IQCK: variants seen among roughly 807,000 people sequenced by gnomAD.
IQCK encodes the protein IQ motif containing K, also known as IQ domain-containing protein K.
In IQCK, 29 loss-of-function variants were observed where a neutral mutation model predicts 28.1. The ratio of observed to expected loss-of-function variants is 1.03; its 90% CI spans 0.77 to 1.41. The LOEUF is 1.41. Among genes scored for constraint, IQCK ranks in the 40% most tolerant of loss-of-function variants. The pLI, the probability that IQCK is intolerant of heterozygous loss-of-function variation, is 0.00. For missense variants in IQCK, 359 were observed against 314.7 expected, an observed-to-expected ratio of 1.14 and a Z score of -1.07; for synonymous variants, 113 against 115.1, an observed-to-expected ratio of 0.98 and a Z score of 0.12.
chr16:19,727,738 T>C (rs1597496524), intron 1 of IQCK, among the ~76,000 whole-genome samples: 2 of 152,198 alleles, frequency 1.3e-5, no homozygotes, highest in East Asian at 3.9e-4. Flanking sequence ...GTCTTGCTTT[T>C]GTAATCAGAC....
At chr16:19,849,439 A>C (rs2056453461) in intron 9 of IQCK, among the ~76,000 whole-genome samples, 2 of 152,030 alleles carry the variant, frequency 1.3e-5, no homozygotes, top group African/African-American at 4.8e-5. Flanking sequence ...AAAAATAAAA[A>C]TTTTAAAAAG....
chr16:19,847,755 G>T lies in IQCK; in HGVS notation c.803-8732G>T, dbSNP rs1389457318. 2.0e-5 allele frequency among the ~76,000 whole-genome samples: 3 copies of T among 152,176 alleles called. No homozygotes were observed. In the East Asian group the frequency reaches 5.8e-4, roughly 29 times the overall value. ...CAGTCACTTTTTAATGGATTATTGGGTTATATCCACCTTTGGCTATTATGA... is the reference window on the plus strand; with the variant it reads ...CAGTCACTTTTTAATGGATTATTGGTTTATATCCACCTTTGGCTATTATGA... On this transcript the variant is annotated intron_variant, in intron 9 of 9. Coordinates refer to the IQCK transcript ENST00000320394.
At chr16:19,855,479 G>C (rs2056547904) in intron 9 of IQCK, among the ~76,000 whole-genome samples, 1 of 152,154 alleles carries the variant, frequency 6.6e-6, no homozygotes, top group African/African-American at 2.4e-5. Flanking sequence ...TAGCTACTTG[G>C]GATGCTGAGG....
intron 9 of IQCK, among the ~76,000 whole-genome samples, chr16:19,839,161 ATTTAT>A (rs1279563335): frequency 6.7e-6 from 1 of 149,854 alleles, no homozygotes; most frequent in Non-Finnish European, 1.5e-5. Flanking sequence ...TTATTTATTT[ATTTAT>A]TTATTTATTT....
At position 19,721,833 on chromosome 16, in the gene IQCK, C is replaced by T. The variant is rs1412881027; in HGVS notation, c.181+3346C>T. 3.3e-5 allele frequency among the ~76,000 whole-genome samples: 5 copies of T among 152,322 alleles called. No individual in the cohort carries two copies. In the East Asian group the frequency reaches 7.7e-4, roughly 24 times the overall value. On this transcript the variant is annotated intron_variant, in intron 1 of 7. Coordinates refer to ENST00000564186, the Ensembl canonical transcript of IQCK. ...CCTCAAGCAGTCAGCCCGCCTCATC[C>T]TCCCAAAGTGCTGGGATTACAGGCG...
At chr16:19,837,392 C>A (rs1159932550) in intron 9 of IQCK, among the ~76,000 whole-genome samples, 6 of 152,048 alleles carry the variant, frequency 3.9e-5, no homozygotes, top group Non-Finnish European at 7.4e-5. Flanking sequence ...CAGAATAAGA[C>A]CCTGTCTCAA....
At chr16:19,764,045 A>G in exon 6 of IQCK, 1 of 1,614,086 alleles carries the variant, frequency 6.2e-7, no homozygotes, top group Non-Finnish European at 8.5e-7. Context: ...CCAAAATCCA[A>G]AGAGGGCAGG....
At chr16:19,749,782 A>C (rs2054961441) in intron 4 of IQCK, among the ~76,000 whole-genome samples, 1 of 151,946 alleles carries the variant, frequency 6.6e-6, no homozygotes, top group Non-Finnish European at 1.5e-5. Flanking sequence ...AAAAAAAAAA[A>C]AGAAAAAGAA....
At position 19,733,832 on chromosome 16, in the gene IQCK, G is replaced by A. The variant is rs372339102; in HGVS notation, c.376+5G>A. ...AAACAATCAACCCAAAAACATGTGA[G>A]TAAGAGAGATGCCATCTTTTATAAT... On this transcript the variant is annotated splice_donor_5th_base_variant and intron_variant, in intron 3 of 7. Transcript: ENST00000564186. The A allele has an allele frequency of 6.3e-5, 102 of 1,613,722 alleles. No homozygotes were observed. Among genetic ancestry groups the A allele is most frequent in the Non-Finnish European group, 8.1e-5 (96 of 1,179,888 alleles).
intron 6 of IQCK, among the ~76,000 whole-genome samples, chr16:19,777,022 C>G (rs1240100568): frequency 1.3e-5 from 2 of 152,126 alleles, no homozygotes; most frequent in Admixed American, 1.3e-4. Flanking sequence ...TAAATGAGCA[C>G]GAAGAGCAAA....
At chr16:19,772,942 G>A (rs1359688656) in intron 6 of IQCK, among the ~76,000 whole-genome samples, 2 of 152,166 alleles carry the variant, frequency 1.3e-5, no homozygotes, top group Admixed American at 6.5e-5. Context: ...GGTTTAGGCT[G>A]CAGTGAGCTG....
At chr16:19,850,636 C>T (rs1310062840) in intron 9 of IQCK, among the ~76,000 whole-genome samples, 2 of 152,106 alleles carry the variant, frequency 1.3e-5, no homozygotes, top group Non-Finnish European at 2.9e-5. Flanking sequence ...GTGAGCATCT[C>T]GTGGTTCGTA....
At chr16:19,726,043 G>A (rs1977644871) in intron 1 of IQCK, among the ~76,000 whole-genome samples, 1 of 151,838 alleles carries the variant, frequency 6.6e-6, no homozygotes, top group Non-Finnish European at 1.5e-5. Context: ...AGCCTCCCAA[G>A]TAGCTGGGAC....
At chr16:19,761,426 G>A in intron 4 of IQCK, 1 of 455,970 alleles carries the variant, frequency 2.2e-6, no homozygotes, top group Non-Finnish European at 4.4e-6. Flanking sequence ...CTGAGGTACA[G>A]AGCAGGCTAG....
At position 19,808,999 on chromosome 16, in the gene IQCK, A is replaced by T. The variant is rs540213577; in HGVS notation, c.691-18027A>T. Among the ~76,000 whole-genome samples, 13 of 152,360 alleles carry T rather than the reference A, an allele frequency of 8.5e-5. No homozygotes were observed. The South Asian group carries it at 2.7e-3, about 32-fold the overall frequency. On this transcript the variant is annotated intron_variant, in intron 7 of 7. Coordinates refer to ENST00000564186, the Ensembl canonical transcript of IQCK. ...CAGCCTCCCAAGTAGCCTGGATTAC[A>T]GGCATGCGCCACCACGGCCAGCTAA... is the stretch of plus-strand genomic sequence containing the variant.
In IQCK at chr16:19,766,316, G is replaced by A. The variant is rs563684856; in HGVS notation, c.605+2204G>A. 2.6e-5 allele frequency among the ~76,000 whole-genome samples: 4 copies of A among 152,348 alleles called. No individual in the cohort carries two copies. In the South Asian group the frequency reaches 8.3e-4, roughly 32 times the overall value. On this transcript the variant is annotated intron_variant, in intron 6 of 7. Transcript: ENST00000564186. ...CAACTTGCTGTAGTTTCTGTAGTGA[G>A]TGTTGTAATTCAAATGTTAACAAAG...
chr16:19,778,243 G>A (rs576392569), intron 6 of IQCK, among the ~76,000 whole-genome samples: 7 of 152,294 alleles, frequency 4.6e-5, no homozygotes, highest in Non-Finnish European at 8.8e-5. Flanking sequence ...AGAAGTGTGA[G>A]TAACCTGGAG....
intron 9 of IQCK, among the ~76,000 whole-genome samples, chr16:19,838,626 C>T (rs550824758): frequency 1.3e-5 from 2 of 152,256 alleles, no homozygotes; most frequent in African/African-American, 2.4e-5. Context: ...TGCAAAGATC[C>T]GCAATCCTCA....
chr16:19,807,679 G>C (rs572791595), intron 7 of IQCK, among the ~76,000 whole-genome samples: 5 of 152,098 alleles, frequency 3.3e-5, no homozygotes, highest in Non-Finnish European at 7.4e-5. Flanking sequence ...CCATGATCTG[G>C]GTTTTAATCC....
Sources: allele counts gnomAD v4.1 joint callset (sites outside exome capture counted in the v4.1 genomes callset), GRCh38; gene constraint gnomAD v4.1.1; transcripts MANE v1.5; gene names NCBI Gene and HGNC (gene_info 2026-07-23, HGNC 2026-07-21).